The following PDZD2 variants were observed in gnomAD, a reference collection of about 807,000 sequenced individuals.
The protein encoded by PDZD2 is PDZ domain-containing protein 2.
PDZD2 carries 90 observed loss-of-function variants against 220.7 expected under a neutral mutation model. The observed-to-expected ratio is 0.41, with a 90% CI of 0.34 to 0.49. The LOEUF is 0.49. Ranked by LOEUF, PDZD2 falls within the 20% of genes least tolerant of loss-of-function variation. The probability of loss-of-function intolerance (pLI) is 0.28; values close to 1 mark genes in which losing one functional copy is unlikely to be tolerated. For synonymous variants in PDZD2, 1,375 were observed against 1,450.5 expected, an observed-to-expected ratio of 0.95 and a Z score of 1.18; for missense variants, 3,174 against 3,608.5, an observed-to-expected ratio of 0.88 and a Z score of 3.08.
At chr5:31,756,927 C>G (rs1239772155) in intron 1 of PDZD2, among the ~76,000 whole-genome samples, 6 of 152,246 alleles carry the variant, frequency 3.9e-5, no homozygotes, top group African/African-American at 1.4e-4. Context: ...AAAAACACCA[C>G]TATATACATT....
chr5:31,855,062 C>T (rs780920596), intron 2 of PDZD2: 55 of 985,398 alleles, frequency 5.6e-5, no homozygotes, highest in Non-Finnish European at 6.6e-5. Context: ...GCCCCGGGGG[C>T]GCGGAGACCG....
rs1287574872 is a variant in PDZD2 at position 31,810,285 on chromosome 5, C to T, written c.476+10561C>T. Among the ~76,000 whole-genome samples the T allele has an allele frequency of 1.9e-4, 26 of 134,740 alleles. No homozygotes were observed. In the South Asian group the frequency reaches 2.6e-3, roughly 14 times the overall value. 88.4% of individuals were successfully genotyped at this position (134,740 alleles called of 152,430 possible). A position where few individuals can be genotyped will look rare whatever the true frequency, so the allele number is the denominator to read the frequency against. On this transcript the variant is annotated intron_variant, in intron 2 of 24. Transcript: ENST00000438447. Reference sequence around the variant, plus strand: ...GAGATTTTTTTTTTTTTTTTTGAGACGGAGTCTTACTCTGTCGCCCAGGCT... The same window carrying T: ...GAGATTTTTTTTTTTTTTTTTGAGATGGAGTCTTACTCTGTCGCCCAGGCT...
chr5:32,011,332 TAC>T (rs1416103626), intron 6 of PDZD2, among the ~76,000 whole-genome samples: 4 of 109,708 alleles, frequency 3.6e-5, no homozygotes, highest in African/African-American at 1.7e-4. Context: ...TTACAAAAAA[TAC>T]AAAAAAAAAA....
chr5:31,746,290 C>T (rs1181447111), intron 1 of PDZD2, among the ~76,000 whole-genome samples: 2 of 152,124 alleles, frequency 1.3e-5, no homozygotes, highest in East Asian at 1.9e-4. Flanking sequence ...TATAGACCAG[C>T]GAGGGCAAAT....
At chr5:31,655,664 A>G (rs1416485716) in intron 1 of PDZD2, among the ~76,000 whole-genome samples, 1 of 152,156 alleles carries the variant, frequency 6.6e-6, no homozygotes, top group Non-Finnish European at 1.5e-5. Context: ...TTGTCGAGAA[A>G]GTGAATCAGA....
rs60551914 is a variant in PDZD2 at position 31,813,449 on chromosome 5, C to CAAAAA, written c.476+13747_476+13751dup. On this transcript the variant is annotated intron_variant, in intron 2 of 24. Transcript: ENST00000438447. ...TGGGCGACAGAGCGAGACTCCGTCT[C>CAAAAA]AAAAAAAAAAAAAAAAAAAAAAAAA... Among the ~76,000 whole-genome samples the CAAAAA allele has an allele frequency of 4.5e-3, 421 of 94,186 alleles. 20 individuals are homozygous for CAAAAA. The highest frequency in any genetic ancestry group is 0.01 in the African/African-American group (241 of 23,532). 61.8% of individuals were successfully genotyped at this position (94,186 alleles called of 152,430 possible).
In PDZD2 at chr5:31,904,738, G is replaced by A. The variant is rs191024625; in HGVS notation, c.477-78417G>A. 8.6e-3 allele frequency among the ~76,000 whole-genome samples: 1,315 copies of A among 152,048 alleles called. 16 individuals carry two copies. Among genetic ancestry groups the A allele is most frequent in the Non-Finnish European group, 0.015 (1,021 of 67,990 alleles). On this transcript the variant is annotated intron_variant, in intron 2 of 24. Coordinates refer to ENST00000438447, the MANE Select transcript of PDZD2 (RefSeq NM_178140.4). Reference sequence around the variant, plus strand: ...AGGGATTACAGGCATGAGCCACTGCGCCCGGCCAATATGTCTTTTTTAAAA... The same window carrying A: ...AGGGATTACAGGCATGAGCCACTGCACCCGGCCAATATGTCTTTTTTAAAA...
intron 2 of PDZD2, among the ~76,000 whole-genome samples, chr5:31,920,649 ATT>A (rs112120056): frequency 6.7e-6 from 1 of 150,348 alleles, no homozygotes; most frequent in Non-Finnish European, 1.5e-5. Context: ...CTAAAAAACA[ATT>A]TTTTTTTTAA....
intron 2 of PDZD2, among the ~76,000 whole-genome samples, chr5:31,954,252 C>T (rs139637810): frequency 5.4e-4 from 83 of 152,320 alleles, no homozygotes; most frequent in African/African-American, 1.9e-3. Flanking sequence ...TTACAAATTG[C>T]ATGATTGCAT....
chr5:32,029,023 G>A (rs1754916118), intron 6 of PDZD2, among the ~76,000 whole-genome samples: 1 of 152,016 alleles, frequency 6.6e-6, no homozygotes, highest in Admixed American at 6.5e-5. Context: ...CCTTGGTGCT[G>A]GATGCTGGAA....
Position 31,726,816 on chromosome 5 carries a change from C to T in PDZD2, c.-360-72073C>T, listed in dbSNP as rs146156479. On this transcript the variant is annotated intron_variant, in intron 1 of 24. Transcript: ENST00000438447. ...CAGATAGTAAGGAGCTGTAATAGGC[C>T]GTTGTCCCATTGCTATAAAGAAATA... Among the ~76,000 whole-genome samples the T allele has an allele frequency of 5.6e-4, 86 of 152,214 alleles. 1 individual carries two copies. The highest frequency in any genetic ancestry group is 2.0e-3 in the African/African-American group (84 of 41,540).
chr5:32,097,298 T>G lies in PDZD2; in HGVS notation c.7865T>G (p.Phe2622Cys), dbSNP rs752516037. 9 of 1,611,150 alleles carry G rather than the reference T, an allele frequency of 5.6e-6. No homozygotes were observed. Among genetic ancestry groups the G allele is most frequent in the Non-Finnish European group, 6.8e-6 (8 of 1,177,344 alleles). The change falls in exon 22 of 25, where the codon TTC (phenylalanine) becomes TGC (cysteine). Residue 2622 changes from phenylalanine to cysteine, a missense_variant. By Grantham distance (205) the Phe-to-Cys change is radical. Transcript: ENST00000438447. ...AQSENEEDVC[F>C]IVLNRKEGSG... Reference sequence around the variant, plus strand: ...CACTAGAATGAAGAAGATGTTTGCTTCATAGTCTTGAATAGAAAAGAAGGC... The same window carrying G: ...CACTAGAATGAAGAAGATGTTTGCTGCATAGTCTTGAATAGAAAAGAAGGC...
At chr5:32,016,254 T>G (rs918994632) in intron 6 of PDZD2, among the ~76,000 whole-genome samples, 8 of 152,186 alleles carry the variant, frequency 5.3e-5, no homozygotes, top group Non-Finnish European at 2.9e-5. Flanking sequence ...GAATAATTGA[T>G]CAAATGTCCG....
chr5:31,706,656 C>T (rs1343584332), intron 1 of PDZD2, among the ~76,000 whole-genome samples: 1 of 151,924 alleles, frequency 6.6e-6, no homozygotes, highest in Non-Finnish European at 1.5e-5. Context: ...CCATCCTAGC[C>T]AACATGGTGA....
Position 32,110,928 on chromosome 5 carries a change from C to CTT in PDZD2, c.*2794_*2795dup, listed in dbSNP as rs1745337373. 1 of 151,926 alleles carries CTT rather than the reference C, an allele frequency of 6.6e-6. No homozygotes were observed. The highest frequency in any genetic ancestry group is 2.4e-5 in the African/African-American group (1 of 41,374). The allele number at this position is 151,926 out of a possible 1,614,324, so 9.4% of individuals were successfully genotyped here. On this transcript the variant is annotated 3_prime_UTR_variant, in exon 25 of 25. Coordinates refer to ENST00000438447, the MANE Select transcript of PDZD2 (RefSeq NM_178140.4). ...AAAAAAATAAACACTCTGCTTACTACTTGATTTTTTTTTTCTCTTTTGGCT... is the reference window on the plus strand; with the variant it reads ...AAAAAAATAAACACTCTGCTTACTACTTTTGATTTTTTTTTTCTCTTTTGGCT...
intron 2 of PDZD2, among the ~76,000 whole-genome samples, chr5:31,828,404 C>G (rs565558175): frequency 6.6e-6 from 1 of 152,190 alleles, no homozygotes; most frequent in Admixed American, 6.5e-5. Context: ...CTCACTGTGA[C>G]TTTGATTTGT....
chr5:31,864,433 T>C (rs1245003720), intron 2 of PDZD2, among the ~76,000 whole-genome samples: 7 of 152,242 alleles, frequency 4.6e-5, no homozygotes, highest in African/African-American at 7.2e-5. Flanking sequence ...TGATAGTCTA[T>C]GTCCATTTCT....
chr5:32,092,142 CA>C (rs1480620121), intron 20 of PDZD2, among the ~76,000 whole-genome samples: 11 of 151,350 alleles, frequency 7.3e-5, no homozygotes, highest in African/African-American at 2.7e-4. Context: ...GGGATGGTGG[CA>C]GGCGCCTGTA....
intron 1 of PDZD2, among the ~76,000 whole-genome samples, chr5:31,771,215 C>CT (rs1432231452): frequency 6.6e-6 from 1 of 152,214 alleles, no homozygotes; most frequent in Non-Finnish European, 1.5e-5. Flanking sequence ...CAGGGACTGT[C>CT]TGTGACTATT....
Sources: gnomAD v4.1 joint callset for allele counts (sites outside exome capture counted in the v4.1 genomes callset) on GRCh38, gnomAD v4.1.1 for gene constraint, MANE v1.5 for transcripts, NCBI Gene and HGNC (gene_info 2026-07-23, HGNC 2026-07-21) for gene names.